CAMK2B: variants seen among roughly 807,000 people sequenced by gnomAD.
CAMK2B encodes the protein calcium/calmodulin-dependent protein kinase type II subunit beta.
Under a neutral mutation model 93.7 loss-of-function variants are expected in CAMK2B, and 27 were observed. That is an observed-to-expected ratio of 0.29 (90% confidence interval 0.21 to 0.40). The LOEUF (loss-of-function observed/expected upper bound fraction) is 0.40, where lower values mean the gene tolerates loss of function less well. Ranked by LOEUF, CAMK2B falls within the 10% of genes least tolerant of loss-of-function variation. The probability of loss-of-function intolerance (pLI) is 1.00; values close to 1 mark genes in which losing one functional copy is unlikely to be tolerated. For missense variants in CAMK2B, 568 were observed against 895.8 expected (o/e 0.63, Z 4.67); for synonymous variants, 374 against 358.8 (o/e 1.04, Z -0.48).
chr7:44,229,839 G>C, intron 17 of CAMK2B: 1 of 238,890 alleles, frequency 4.2e-6, no homozygotes, highest in Non-Finnish European at 8.0e-6. Flanking sequence ...GCAGAGGCCA[G>C]GCGCACGGAG....
intron 2 of CAMK2B, 110 bp downstream of exon 2, chr7:44,284,021 A>C: frequency 1.3e-6 from 1 of 743,572 alleles, no homozygotes; most frequent in Middle Eastern, 3.6e-4. Flanking sequence ...AGGGTGGGCC[A>C]AGTGCTGGCC....
At chr7:44,259,156 T>C (rs894549053) in intron 3 of CAMK2B, among the ~76,000 whole-genome samples, 1 of 152,148 alleles carries the variant, frequency 6.6e-6, no homozygotes, top group Non-Finnish European at 1.5e-5. Context: ...CTCAGGGCAG[T>C]GCCACTGCCC....
At position 44,290,668 on chromosome 7, in the gene CAMK2B, C is replaced by T. The variant is rs554278039; in HGVS notation, c.66-6443G>A. Among the ~76,000 whole-genome samples the T allele has an allele frequency of 2.0e-5, 3 of 152,326 alleles. No individual in the cohort carries two copies. The East Asian group carries it at 5.8e-4, about 29-fold the overall frequency. The stretch of plus-strand genomic sequence containing the variant: ...TGTGTTGGCTTAAAAACACAGTTCC[C>T]AACTTTGATTAAAATGAGCTCTTGG... On this transcript the variant is annotated intron_variant, in intron 1 of 23. Coordinates refer to ENST00000395749, the MANE Select transcript of CAMK2B (RefSeq NM_001220.5).
intron 1 of CAMK2B, among the ~76,000 whole-genome samples, chr7:44,290,358 C>T (rs1031403252): frequency 2.6e-5 from 4 of 152,378 alleles, no homozygotes; most frequent in East Asian, 1.9e-4. Flanking sequence ...GCCCCCTCCC[C>T]GCTCAGGTCC....
At chr7:44,317,880 G>T (rs1795198215) in intron 1 of CAMK2B, among the ~76,000 whole-genome samples, 1 of 152,140 alleles carries the variant, frequency 6.6e-6, no homozygotes. Flanking sequence ...CGAGTGTCTG[G>T]CCTCAGGTGC....
intron 12 of CAMK2B, 47 bp downstream of exon 12, chr7:44,240,660 C>T (rs1300193166): frequency 1.2e-6 from 2 of 1,604,032 alleles, no homozygotes; most frequent in South Asian, 1.1e-5. Flanking sequence ...CTGCGTGGGC[C>T]AGCAGGGAGG....
chr7:44,228,875 G>T lies in CAMK2B; in HGVS notation c.1389C>A (p.Thr463=), dbSNP rs895488325. 2 of 1,580,920 alleles carry T rather than the reference G, an allele frequency of 1.3e-6. No homozygotes were observed. Among genetic ancestry groups the T allele is most frequent in the African/African-American group, 1.4e-5 (1 of 73,704 alleles). ...CTGAGAGGGGGCCCTCGGCTTCTGG[G>T]GTTCCTGAACCCCTTCTCACAGAGT... is the stretch of plus-strand genomic sequence containing the variant. ...ILNSVRRGSG[T]PEAEGPLSAG... is the part of the protein sequence containing the mutation. Residue 463 remains threonine (T), a synonymous_variant, in exon 19 of 24, where the codon ACC becomes ACA. Coordinates refer to ENST00000395749, the MANE Select transcript of CAMK2B (RefSeq NM_001220.5).
chr7:44,280,075 C>T lies in CAMK2B; in HGVS notation c.160+4056G>A, dbSNP rs139267346. Among the ~76,000 whole-genome samples, 210 of 152,320 alleles carry T rather than the reference C, an allele frequency of 1.4e-3. No homozygotes were observed. In the Middle Eastern group the frequency reaches 0.037, roughly 27 times the overall value. On this transcript the variant is annotated intron_variant, in intron 2 of 23. Transcript: ENST00000395749. ...GTAAACCTGTTACATGAGTGAGAGTCTATGTCTAGGGTGTGTCTAAAGGGG... is the reference window on the plus strand; with the variant it reads ...GTAAACCTGTTACATGAGTGAGAGTTTATGTCTAGGGTGTGTCTAAAGGGG...
intron 1 of CAMK2B, among the ~76,000 whole-genome samples, chr7:44,317,188 T>A (rs12702079): frequency 0.44 from 65,565 of 149,450 alleles, 14,868 homozygotes; most frequent in Non-Finnish European, 0.5. Context: ...AAAAGAAATC[T>A]GGAACAGACT....
chr7:44,247,047 C>T, intron 6 of CAMK2B, 73 bp downstream of exon 6: 1 of 1,254,708 alleles, frequency 8.0e-7, no homozygotes, highest in Non-Finnish European at 1.2e-6. Context: ...CTGTCCAGCC[C>T]CTCACACTTC....
chr7:44,285,576 T>C (rs1251297347), intron 1 of CAMK2B, among the ~76,000 whole-genome samples: 1 of 152,180 alleles, frequency 6.6e-6, no homozygotes, highest in African/African-American at 2.4e-5. Context: ...CACCGTTTTA[T>C]CTACAGTCCT....
chr7:44,307,539 C>A (rs561967281), intron 1 of CAMK2B, among the ~76,000 whole-genome samples: 1 of 152,118 alleles, frequency 6.6e-6, no homozygotes, highest in South Asian at 2.1e-4. Context: ...TGGGAATGGT[C>A]TGCCAGGGCT....
intron 3 of CAMK2B, among the ~76,000 whole-genome samples, chr7:44,260,571 T>C (rs529839843): frequency 1.3e-5 from 2 of 152,254 alleles, no homozygotes; most frequent in African/African-American, 4.8e-5. Context: ...CTCTATGAAA[T>C]AGGATAAATA....
chr7:44,263,198 GAACA>G, intron 2 of CAMK2B, 134 bp from the exon 3 acceptor site: 3 of 753,620 alleles, frequency 4.0e-6, no homozygotes, highest in Non-Finnish European at 6.2e-6. Flanking sequence ...CCCACCAAGG[GAACA>G]CCCTTCGTGG....
chr7:44,287,849 C>T (rs1406918846), intron 1 of CAMK2B, among the ~76,000 whole-genome samples: 4 of 152,334 alleles, frequency 2.6e-5, no homozygotes, highest in South Asian at 2.1e-4. Flanking sequence ...CTCCCACGTT[C>T]CTTAGGTTAG....
At chr7:44,251,623 G>A (rs2096781500) in intron 5 of CAMK2B, among the ~76,000 whole-genome samples, 1 of 152,206 alleles carries the variant, frequency 6.6e-6, no homozygotes, top group Admixed American at 6.5e-5. Flanking sequence ...CACACAGGCC[G>A]TGTGCCCCCT....
intron 1 of CAMK2B, among the ~76,000 whole-genome samples, chr7:44,299,010 AAT>A (rs1368082877): frequency 1.3e-5 from 2 of 152,200 alleles, no homozygotes; most frequent in Non-Finnish European, 2.9e-5. Context: ...TTAAACATAG[AAT>A]TACCATATGA....
intron 1 of CAMK2B, among the ~76,000 whole-genome samples, chr7:44,306,334 T>C (rs1791502067): frequency 6.6e-6 from 1 of 152,142 alleles, no homozygotes; most frequent in Non-Finnish European, 1.5e-5. Context: ...CATCTTTCTC[T>C]TTCACTTCTC....
intron 5 of CAMK2B, among the ~76,000 whole-genome samples, chr7:44,247,905 G>A (rs2096746870): frequency 6.6e-6 from 1 of 152,182 alleles, no homozygotes; most frequent in East Asian, 1.9e-4. Flanking sequence ...GTGGGCGGCT[G>A]TAATCCCAGC....
Sources: gnomAD v4.1 joint callset for allele counts (sites outside exome capture counted in the v4.1 genomes callset) on GRCh38, gnomAD v4.1.1 for gene constraint, MANE v1.5 for transcripts, NCBI Gene and HGNC (gene_info 2026-07-23, HGNC 2026-07-21) for gene names.